Variants in COQ7 observed in about 807,000 individuals in gnomAD.
COQ7 encodes NADPH-dependent 3-demethoxyubiquinone 3-hydroxylase, mitochondrial.
A neutral mutation model predicts 25.0 loss-of-function variants in COQ7; 21 were observed. The ratio of observed to expected loss-of-function variants is 0.84; its 90% CI spans 0.60 to 1.21. The LOEUF (loss-of-function observed/expected upper bound fraction) is 1.21, where lower values mean the gene tolerates loss of function less well. Among genes scored for constraint, COQ7 ranks in the 50% most tolerant of loss-of-function variants. COQ7 has a pLI of 0.00. For synonymous variants in COQ7, 125 were observed against 112.4 expected, an observed-to-expected ratio of 1.11 and a Z score of -0.71; for missense variants, 311 against 296.2, an observed-to-expected ratio of 1.05 and a Z score of -0.37.
intron 2 of COQ7, chr16:19,072,476 GAC>G (rs1328735653): frequency 1.1e-5 from 2 of 185,934 alleles, no homozygotes; most frequent in African/African-American, 4.7e-5. Context: ...GCTATGGGAG[GAC>G]CTGAAATTTG....
Position 19,071,913 on chromosome 16 carries a change from A to G in COQ7, c.74-15A>G. On this transcript the variant is annotated splice_polypyrimidine_tract_variant and intron_variant, in intron 1 of 5. Transcript: ENST00000321998. Reference sequence around the variant, plus strand: ...TTTACCTGATCATAACGAAGAATAAACACTTGCATTTCAGCTTATGGAAGA... The same window carrying G: ...TTTACCTGATCATAACGAAGAATAAGCACTTGCATTTCAGCTTATGGAAGA... 2 of 1,613,974 alleles carry G rather than the reference A, an allele frequency of 1.2e-6. No individual in the cohort carries two copies. Among genetic ancestry groups the G allele is most frequent in the Non-Finnish European group, 8.5e-7 (1 of 1,179,862 alleles).
At chr16:19,069,794 C>T (rs556753764) in intron 1 of COQ7, among the ~76,000 whole-genome samples, 6 of 150,674 alleles carry the variant, frequency 4.0e-5, no homozygotes, top group Admixed American at 6.6e-5. Context: ...TTCTTTTTTT[C>T]TTTTTTTGAG....
chr16:19,079,838 C>G lies in COQ7; in HGVS notation c.*1680C>G, dbSNP rs1963047243. ...TTTGGATTAATCCTCTGCCACCTCTCTCTTTTCCTCAACCGAGAGTGAATT... is the reference window on the plus strand; with the variant it reads ...TTTGGATTAATCCTCTGCCACCTCTGTCTTTTCCTCAACCGAGAGTGAATT... On this transcript the variant is annotated 3_prime_UTR_variant, in exon 6 of 6. Transcript: ENST00000321998. The G allele has an allele frequency of 1.3e-5, 2 of 152,218 alleles. No homozygotes were observed. Among genetic ancestry groups the G allele is most frequent in the African/African-American group, 4.8e-5 (2 of 41,458 alleles). 9.4% of individuals were successfully genotyped at this position (152,218 alleles called of 1,614,324 possible). A position where few individuals can be genotyped will look rare whatever the true frequency, so the allele number is the denominator to read the frequency against.
In COQ7 at chr16:19,080,035, GTAT is replaced by G. The variant is rs1963056905; in HGVS notation, c.*1882_*1884del. On this transcript the variant is annotated 3_prime_UTR_variant, in exon 6 of 6. Coordinates refer to ENST00000321998, the MANE Select transcript of COQ7 (RefSeq NM_016138.5). ...GAACACGTTGATTAAATTCAAAAGG[GTAT>G]TATTTGGTTTTTCTGTAAATTGAAC... 3 of 152,308 alleles carry G rather than the reference GTAT, an allele frequency of 2.0e-5. No homozygotes were observed. The highest frequency in any genetic ancestry group is 7.2e-5 in the African/African-American group (3 of 41,570). The allele number at this position is 152,308 out of a possible 1,614,324, so 9.4% of individuals were successfully genotyped here.
rs1963015550 is a variant in COQ7 at position 19,079,193 on chromosome 16, C to A, written c.*1035C>A. The A allele has an allele frequency of 6.6e-6, 1 of 152,194 alleles. No homozygotes were observed. Among genetic ancestry groups the A allele is most frequent in the Non-Finnish European group, 1.5e-5 (1 of 68,086 alleles). 9.4% of individuals were successfully genotyped at this position (152,194 alleles called of 1,614,324 possible). On this transcript the variant is annotated 3_prime_UTR_variant, in exon 6 of 6. Transcript: ENST00000321998. ...GCAGACCCTTCACAAGCAAAATCAG[C>A]CAGCACTTTGATCACGGACTTCCCA...
intron 1 of COQ7, chr16:19,068,014 G>T: frequency 7.6e-7 from 1 of 1,317,596 alleles, no homozygotes; most frequent in African/African-American, 1.5e-5. Flanking sequence ...GGCAGGTGCG[G>T]CCAGCGTTCC....
At position 19,073,873 on chromosome 16, in the gene COQ7, A is replaced by G. The variant is rs576966810; in HGVS notation, c.253-48A>G. The G allele has an allele frequency of 1.5e-5, 20 of 1,376,018 alleles. No homozygotes were observed. The Admixed American group carries it at 2.7e-4, about 19-fold the overall frequency. 85.2% of individuals were successfully genotyped at this position (1,376,018 alleles called of 1,614,324 possible). On this transcript the variant is annotated intron_variant, in intron 2 of 5. Transcript: ENST00000321998. ...CCTGTATGCCGCTTGGATGAGTGGGAGGCCTCTATGGAATGCTTGCATGTC... is the reference window on the plus strand; with the variant it reads ...CCTGTATGCCGCTTGGATGAGTGGGGGGCCTCTATGGAATGCTTGCATGTC...
chr16:19,080,129 AG>A (rs560125190), downstream of COQ7: 10 of 152,284 alleles, frequency 6.6e-5, no homozygotes, highest in East Asian at 1.7e-3. Flanking sequence ...GAATTTGTAA[AG>A]GGTTATAAAA....
chr16:19,073,578 CT>C (rs1962676347), intron 2 of COQ7, among the ~76,000 whole-genome samples: 1 of 152,194 alleles, frequency 6.6e-6, no homozygotes, highest in Non-Finnish European at 1.5e-5. Context: ...TTCTGCCTTC[CT>C]GATTTTGAAA....
At position 19,067,757 on chromosome 16, in the gene COQ7, C is replaced by T. The variant is rs1428551294; in HGVS notation, c.73+20C>T. On this transcript the variant is annotated intron_variant, in intron 1 of 5. Transcript: ENST00000321998. ...TCTCAGGTAAAAGGAGGCGCGCAGTCACAGTCCTGCGCCGGTCTAGCGAGC... is the reference window on the plus strand; with the variant it reads ...TCTCAGGTAAAAGGAGGCGCGCAGTTACAGTCCTGCGCCGGTCTAGCGAGC... 3 of 1,597,082 alleles carry T rather than the reference C, an allele frequency of 1.9e-6. No homozygotes were observed. The East Asian group carries it at 6.7e-5, about 36-fold the overall frequency.
intron 1 of COQ7, 118 bp from the exon 2 acceptor site, chr16:19,071,810 G>T (rs777592614): frequency 1.8e-6 from 2 of 1,087,142 alleles, no homozygotes; most frequent in African/African-American, 3.1e-5. Context: ...TTATGGGCAC[G>T]CCTGGCCCAT....
chr16:19,074,195 G>A, intron 3 of COQ7, 160 bp downstream of exon 3: 2 of 534,720 alleles, frequency 3.7e-6, no homozygotes, highest in Admixed American at 3.5e-5. Context: ...TTTGTGTGTG[G>A]TTAAATTTAT....
At chr16:19,067,837 A>T in intron 1 of COQ7, 100 bp downstream of exon 1, 1 of 1,529,380 alleles carries the variant, frequency 6.5e-7, no homozygotes, top group Non-Finnish European at 8.7e-7. Context: ...AGAGGTTCGT[A>T]ACGTCACAGG....
intron 3 of COQ7, 104 bp from the exon 4 acceptor site, chr16:19,075,617 G>C (rs975026425): frequency 7.7e-7 from 1 of 1,296,118 alleles, no homozygotes; most frequent in Non-Finnish European, 1.1e-6. Context: ...AGAATGACCC[G>C]GCCCGATGTC....
In COQ7 at chr16:19,078,096, G is replaced by A. The variant is rs201474239; in HGVS notation, c.592G>A (p.Val198Ile). The change falls in exon 6 of 6, where the codon GTC (valine) becomes ATC (isoleucine). Residue 198 changes from valine to isoleucine, a missense_variant. Val to Ile is a conservative substitution (Grantham distance 29, BLOSUM62 3). Coordinates refer to ENST00000321998, the MANE Select transcript of COQ7 (RefSeq NM_016138.5). ...HDAELAPAYA[V>I]LKSIIQAGCR... ...TTTTTAACAGGCTCCAGCCTATGCCGTCCTGAAGAGCATTATCCAGGCCGG... is the reference window on the plus strand; with the variant it reads ...TTTTTAACAGGCTCCAGCCTATGCCATCCTGAAGAGCATTATCCAGGCCGG... 1.4e-5 allele frequency: 23 copies of A among 1,609,762 alleles called. No homozygotes were observed. Among genetic ancestry groups the A allele is most frequent in the East Asian group, 6.7e-5 (3 of 44,506 alleles).
chr16:19,072,107 G>A lies in COQ7; in HGVS notation c.252+1G>A. ...GACCAGCGTCGGGCCAGTCATTCAGGTGGGTGCTTCTTCATCTCCCTCACC... is the reference window on the plus strand; with the variant it reads ...GACCAGCGTCGGGCCAGTCATTCAGATGGGTGCTTCTTCATCTCCCTCACC... On this transcript the variant is annotated splice_donor_variant, in intron 2 of 5. Transcript: ENST00000321998. LOFTEE classifies it high-confidence loss of function. 6.2e-7 allele frequency: 1 copy of A among 1,614,096 alleles called. No individual in the cohort carries two copies.
At position 19,067,663 on chromosome 16, in the gene COQ7, C is replaced by T. The variant is rs1247782330; in HGVS notation, c.-2C>T. ...AAGTGGTTGCTTTTTTTAGTTCCGG[C>T]AATGAGTTGCGCCGGGGCGGCGGCG... On this transcript the variant is annotated 5_prime_UTR_variant, in exon 1 of 6. Transcript: ENST00000321998. 1 of 1,613,348 alleles carries T rather than the reference C, an allele frequency of 6.2e-7. No homozygotes were observed.
chr16:19,076,459 G>A (rs1962844736), intron 4 of COQ7, among the ~76,000 whole-genome samples: 1 of 151,114 alleles, frequency 6.6e-6, no homozygotes, highest in Non-Finnish European at 1.5e-5. Flanking sequence ...AAAATTTTTT[G>A]TAGGCACAGT....
intron 1 of COQ7, among the ~76,000 whole-genome samples, chr16:19,071,310 AT>A (rs1165274796): frequency 6.6e-6 from 1 of 152,054 alleles, no homozygotes; most frequent in East Asian, 1.9e-4. Context: ...TAAATTTTGT[AT>A]TTTTGGTAGA....
Sources: allele counts gnomAD v4.1 joint callset (sites outside exome capture counted in the v4.1 genomes callset), GRCh38; gene constraint gnomAD v4.1.1; transcripts MANE v1.5; gene names NCBI Gene and HGNC (gene_info 2026-07-23, HGNC 2026-07-21).